STAC: variants seen among roughly 807,000 people sequenced by gnomAD.
STAC encodes the protein SH3 and cysteine rich domain, also known as SH3 and cysteine-rich domain-containing protein.
Under a neutral mutation model 48.8 loss-of-function variants are expected in STAC, and 43 were observed. That is an observed-to-expected ratio of 0.88 (90% CI 0.69 to 1.14). The LOEUF is 1.14. Among genes scored for constraint, STAC ranks in the 50% most tolerant of loss-of-function variants. STAC has a pLI of 0.00. For synonymous variants in STAC, 193 were observed against 179.5 expected, an observed-to-expected ratio of 1.07 and a Z score of -0.60; for missense variants, 497 against 504.0, an observed-to-expected ratio of 0.99 and a Z score of 0.13.
chr3:36,390,922 G>T (rs761119411), intron 1 of STAC, among the ~76,000 whole-genome samples: 1 of 152,050 alleles, frequency 6.6e-6, no homozygotes, highest in East Asian at 1.9e-4. Flanking sequence ...GCTTGAGTCA[G>T]ATTTGTTAAC....
rs374926738 is a variant in STAC, at chr3:36,528,961, G to A, written c.1086G>A (p.Gly362=). Residue 362 remains glycine, a synonymous_variant, in exon 10 of 11, where the codon GGG becomes GGA. Coordinates refer to ENST00000273183, the MANE Select transcript of STAC (RefSeq NM_003149.3). ...VRTFIGCKEQ[G]QITLKENQIC... Reference sequence around the variant, plus strand: ...CCTTCATTGGGTGTAAGGAACAGGGGCAGATAACACTGAAAGAGAATCAGG... The same window carrying A: ...CCTTCATTGGGTGTAAGGAACAGGGACAGATAACACTGAAAGAGAATCAGG... The A allele has an allele frequency of 1.1e-5, 18 of 1,610,026 alleles. No individual in the cohort carries two copies. In the East Asian group the frequency reaches 2.2e-4, roughly 20 times the overall value.
At chr3:36,496,130 G>C (rs778564682) in intron 6 of STAC, among the ~76,000 whole-genome samples, 22 of 152,188 alleles carry the variant, frequency 1.4e-4, no homozygotes, top group Non-Finnish European at 3.1e-4. Flanking sequence ...CTTTCTCAAA[G>C]AGATCTGGTG....
chr3:36,546,492 G>A lies in STAC; in HGVS notation c.*203G>A, dbSNP rs924792391. 4 of 577,688 alleles carry A rather than the reference G, an allele frequency of 6.9e-6. No homozygotes were observed. Among genetic ancestry groups the A allele is most frequent in the Non-Finnish European group, 1.2e-5 (4 of 325,360 alleles). 35.8% of individuals were successfully genotyped at this position (577,688 alleles called of 1,614,324 possible). A position where few individuals can be genotyped will look rare whatever the true frequency, so the allele number is the denominator to read the frequency against. ...ACAGCATATCCAGGCTGCCACAGGT[G>A]GGGACGAGGCTGAGAGAGTCAGCAG... On this transcript the variant is annotated 3_prime_UTR_variant, in exon 11 of 11. Transcript: ENST00000273183.
At chr3:36,546,098 GCAA>G in intron 10 of STAC, 90 bp from the exon 11 acceptor site, 1 of 1,019,434 alleles carries the variant, frequency 9.8e-7, no homozygotes, top group Non-Finnish European at 1.5e-6. Flanking sequence ...TGTTGCTCCT[GCAA>G]CCTCAGTCAG....
intron 8 of STAC, among the ~76,000 whole-genome samples, chr3:36,522,086 T>TA (rs1246539755): frequency 1.3e-5 from 2 of 151,228 alleles, no homozygotes. Context: ...AGACTGTCTT[T>TA]AAAAAAAAGA....
At chr3:36,518,018 G>A (rs969563546) in intron 8 of STAC, among the ~76,000 whole-genome samples, 21 of 152,064 alleles carry the variant, frequency 1.4e-4, no homozygotes, top group Admixed American at 1.4e-3. Context: ...CACTTACAAC[G>A]TAACCAGTCA....
Position 36,443,757 on chromosome 3 carries a change from G to A in STAC, c.388+117G>A. The A allele has an allele frequency of 1.5e-6, 2 of 1,342,020 alleles. No individual in the cohort carries two copies. The highest frequency in any genetic ancestry group is 2.0e-6 in the Non-Finnish European group (2 of 978,958). 83.1% of individuals were successfully genotyped at this position (1,342,020 alleles called of 1,614,324 possible). ...TGCTAGGCCTCAGAGATTTACATGTGGGAAGATCATTCAGGAGTGCTTTGG... is the reference window on the plus strand; with the variant it reads ...TGCTAGGCCTCAGAGATTTACATGTAGGAAGATCATTCAGGAGTGCTTTGG... On this transcript the variant is annotated intron_variant, in intron 2 of 10. Coordinates refer to ENST00000273183, the MANE Select transcript of STAC (RefSeq NM_003149.3). This position sits in a 1 kb window ranked among gnomAD's most constrained non-coding sequence, Gnocchi z 4.2.
intron 2 of STAC, among the ~76,000 whole-genome samples, chr3:36,452,872 G>A (rs754380191): frequency 3.9e-5 from 6 of 152,204 alleles, no homozygotes; most frequent in Non-Finnish European, 8.8e-5. Context: ...GGCCTGTGGG[G>A]CCTCCTTCCA....
intron 1 of STAC, among the ~76,000 whole-genome samples, chr3:36,406,733 T>C (rs565997318): frequency 2.6e-5 from 4 of 152,242 alleles, no homozygotes; most frequent in Non-Finnish European, 4.4e-5. Context: ...ACATTGTTTA[T>C]GGTTATTTTC....
chr3:36,394,284 C>T (rs1699810737), intron 1 of STAC, among the ~76,000 whole-genome samples: 1 of 152,176 alleles, frequency 6.6e-6, no homozygotes, highest in African/African-American at 2.4e-5. Flanking sequence ...TGGCTAGGGG[C>T]TACTGTATTA....
intron 1 of STAC, among the ~76,000 whole-genome samples, chr3:36,404,083 A>C (rs1038083891): frequency 1.6e-4 from 25 of 152,186 alleles, no homozygotes; most frequent in African/African-American, 6.0e-4. Context: ...CACACCTATG[A>C]ATATCTCTAA....
chr3:36,547,717 T>A lies in STAC; in HGVS notation c.*1428T>A, dbSNP rs1699480143. ...AAAGCATCATTCATCTCCATTTATT[T>A]CTTTTGTTCCCGCTCAGTGTGAAGT... On this transcript the variant is annotated 3_prime_UTR_variant, in exon 11 of 11. Coordinates refer to ENST00000273183, the MANE Select transcript of STAC (RefSeq NM_003149.3). The A allele has an allele frequency of 6.6e-6, 1 of 152,370 alleles. No homozygotes were observed. Among genetic ancestry groups the A allele is most frequent in the Non-Finnish European group, 1.5e-5 (1 of 68,040 alleles). The allele number at this position is 152,370 out of a possible 1,614,324, so 9.4% of individuals were successfully genotyped here.
chr3:36,410,866 T>C (rs73059944), intron 1 of STAC, among the ~76,000 whole-genome samples: 3,543 of 152,352 alleles, frequency 0.023, 60 homozygotes, highest in East Asian at 0.026. Flanking sequence ...ATCTGGCCTC[T>C]GGCTCATACA....
chr3:36,512,135 A>G (rs1177905129), intron 8 of STAC, among the ~76,000 whole-genome samples: 3 of 152,180 alleles, frequency 2.0e-5, no homozygotes, highest in Middle Eastern at 3.2e-3. Flanking sequence ...GGTCTTGTAC[A>G]TCTGAGTTTT....
chr3:36,380,536 A>C lies in STAC; in HGVS notation c.-108A>C. ...ACGTCGGCGCCTCGGCGAGGATGGG[A>C]GTCCCCAGGACCCGGAGCTGAGCAG... On this transcript the variant is annotated 5_prime_UTR_variant, in exon 1 of 11. Coordinates refer to ENST00000273183, the MANE Select transcript of STAC (RefSeq NM_003149.3). 2 of 819,856 alleles carry C rather than the reference A, an allele frequency of 2.4e-6. No homozygotes were observed. The highest frequency in any genetic ancestry group is 2.0e-6 in the Non-Finnish European group (1 of 508,830). The allele number at this position is 819,856 out of a possible 1,614,324, so 50.8% of individuals were successfully genotyped here.
At chr3:36,432,630 G>A (rs1335218423) in intron 1 of STAC, among the ~76,000 whole-genome samples, 3 of 151,980 alleles carry the variant, frequency 2.0e-5, no homozygotes. Context: ...TTGAGCCCAG[G>A]AGGCGGAGGT....
At chr3:36,499,959 G>A (rs1698243300) in intron 6 of STAC, among the ~76,000 whole-genome samples, 1 of 152,112 alleles carries the variant, frequency 6.6e-6, no homozygotes, top group Non-Finnish European at 1.5e-5. Flanking sequence ...ACATGGTCAT[G>A]TTCACTTCAT....
chr3:36,478,950 A>G (rs1462784980), intron 2 of STAC, among the ~76,000 whole-genome samples: 1 of 151,996 alleles, frequency 6.6e-6, no homozygotes, highest in Non-Finnish European at 1.5e-5. Flanking sequence ...TTTAAGTGCT[A>G]TTTTTTTCCA....
intron 10 of STAC, among the ~76,000 whole-genome samples, chr3:36,531,179 A>C (rs1013886389): frequency 2.0e-5 from 3 of 152,232 alleles, no homozygotes; most frequent in African/African-American, 4.8e-5. Flanking sequence ...CCACGTATTT[A>C]GAGCCATGAA....
Sources: gnomAD v4.1 joint callset for allele counts (sites outside exome capture counted in the v4.1 genomes callset) on GRCh38, gnomAD v4.1.1 for gene constraint, Gnocchi (gnomAD v3.1) non-coding constraint, MANE v1.5 for transcripts, NCBI Gene and HGNC (gene_info 2026-07-23, HGNC 2026-07-21) for gene names.